Variants in GRB10 observed in about 807,000 individuals in gnomAD.
The protein encoded by GRB10 is growth factor receptor bound protein 10.
GRB10 carries 20 observed loss-of-function variants against 80.9 expected under a neutral mutation model. The observed-to-expected ratio is 0.25, with a 90% CI of 0.17 to 0.36. The LOEUF (loss-of-function observed/expected upper bound fraction) is 0.36. Ranked by LOEUF, GRB10 falls within the 10% of genes least tolerant of loss-of-function variation. GRB10 has a pLI of 1.00. For synonymous variants in GRB10, 291 were observed against 291.5 expected, an observed-to-expected ratio of 1.00 and a Z score of 0.02; for missense variants, 548 against 747.7, an observed-to-expected ratio of 0.73 and a Z score of 3.12.
intron 2 of GRB10, among the ~76,000 whole-genome samples, chr7:50,764,742 T>C (rs2076149985): frequency 6.6e-6 from 1 of 152,170 alleles, no homozygotes; most frequent in Admixed American, 6.5e-5. Flanking sequence ...AATGATGCAA[T>C]TCCCACAGAG....
intron 2 of GRB10, chr7:50,761,636 G>C (rs1225728004): frequency 6.6e-6 from 1 of 152,222 alleles, no homozygotes; most frequent in African/African-American, 2.4e-5. Context: ...AGAAAACACA[G>C]TGAAGAAACA....
At chr7:50,732,990 G>A (rs1204466272) in intron 3 of GRB10, among the ~76,000 whole-genome samples, 1 of 152,194 alleles carries the variant, frequency 6.6e-6, no homozygotes, top group Non-Finnish European at 1.5e-5. Flanking sequence ...ACAAGACCCT[G>A]TTATGGGATG....
rs1228227221 is a variant in GRB10 at position 50,703,921 on chromosome 7, G to A, written c.52-13C>T. ...GCTCCACCTTGTCCTAAAAAAACAG[G>A]ACCGCAGCAGAAAGGCTGTGAGTTC... On this transcript the variant is annotated splice_polypyrimidine_tract_variant and intron_variant, in intron 4 of 18. Coordinates refer to ENST00000401949, the MANE Select transcript of GRB10 (RefSeq NM_001350814.2). The A allele has an allele frequency of 2.5e-6, 4 of 1,599,034 alleles. No individual in the cohort carries two copies. The highest frequency in any genetic ancestry group is 3.4e-6 in the Non-Finnish European group (4 of 1,167,196).
intron 7 of GRB10, among the ~76,000 whole-genome samples, chr7:50,639,401 C>A (rs979164164): frequency 6.6e-6 from 1 of 152,062 alleles, no homozygotes; most frequent in Non-Finnish European, 1.5e-5. Flanking sequence ...GTTTGCCAGG[C>A]GCAGTGGCTC....
rs551505857 is a variant in GRB10 at position 50,710,182 on chromosome 7, G to A, written c.52-6274C>T. Among the ~76,000 whole-genome samples, 3 of 152,150 alleles carry A rather than the reference G, an allele frequency of 2.0e-5. No individual in the cohort carries two copies. In the South Asian group the frequency reaches 6.2e-4, roughly 32 times the overall value. On this transcript the variant is annotated intron_variant, in intron 4 of 18. Transcript: ENST00000401949. ...AAGCAGGAAGTAACAAGGGTGAATG[G>A]ATTGGTGCCCACCCTCTCCCCAGAA...
intron 5 of GRB10, among the ~76,000 whole-genome samples, chr7:50,697,725 G>A (rs1032874158): frequency 6.6e-6 from 1 of 152,210 alleles, no homozygotes; most frequent in Non-Finnish European, 1.5e-5. Context: ...AAAGCATCTC[G>A]TTAAAAAGAA....
Position 50,592,916 on chromosome 7 carries a change from A to G in GRB10, c.*36T>C. 1 of 1,612,596 alleles carries G rather than the reference A, an allele frequency of 6.2e-7. No homozygotes were observed. The highest frequency in any genetic ancestry group is 8.5e-7 in the Non-Finnish European group (1 of 1,178,740). On this transcript the variant is annotated 3_prime_UTR_variant, in exon 19 of 19. Coordinates refer to ENST00000401949, the MANE Select transcript of GRB10 (RefSeq NM_001350814.2). ...AGACCGCTTCTTCACTCCAGTGTTCACTTCCTCCAGTCTTCAGCCGAGAGG... is the reference window on the plus strand; with the variant it reads ...AGACCGCTTCTTCACTCCAGTGTTCGCTTCCTCCAGTCTTCAGCCGAGAGG...
At chr7:50,701,981 A>G (rs2153666888) in intron 5 of GRB10, among the ~76,000 whole-genome samples, 1 of 152,228 alleles carries the variant, frequency 6.6e-6, no homozygotes, top group Admixed American at 6.5e-5. Flanking sequence ...ATTTCTTAGT[A>G]TGGGACTGCT....
At chr7:50,668,870 A>G (rs371587450) in intron 7 of GRB10, among the ~76,000 whole-genome samples, 4 of 152,368 alleles carry the variant, frequency 2.6e-5, no homozygotes, top group Admixed American at 6.5e-5. Context: ...TCTGTGCCTC[A>G]GTTTCCTCAT....
At chr7:50,757,006 A>C (rs562928219) in intron 2 of GRB10, among the ~76,000 whole-genome samples, 2 of 152,306 alleles carry the variant, frequency 1.3e-5, no homozygotes, top group South Asian at 4.1e-4. Context: ...AAGAGTCAGA[A>C]GCTAAATTTT....
intron 13 of GRB10, among the ~76,000 whole-genome samples, chr7:50,609,718 A>G (rs1003120519): frequency 6.6e-6 from 1 of 152,224 alleles, no homozygotes; most frequent in Non-Finnish European, 1.5e-5. Flanking sequence ...TAGAAGACAG[A>G]GGGAGGAGGA....
At position 50,605,344 on chromosome 7, in the gene GRB10, T is replaced by C; in HGVS notation, c.1335A>G (p.Ile445Met). 6.2e-7 allele frequency: 1 copy of C among 1,614,176 alleles called. No individual in the cohort carries two copies. The highest frequency in any genetic ancestry group is 8.5e-7 in the Non-Finnish European group (1 of 1,180,018). The change falls in exon 15 of 19, where the codon ATA becomes ATG. Residue 445 changes from isoleucine (I) to methionine (M), a missense_variant. Coordinates refer to ENST00000401949, the MANE Select transcript of GRB10 (RefSeq NM_001350814.2). Reference sequence around the variant, plus strand: ...CGCTCTGGGCCTCTGCCGGATTCTCTATCACGCGTCCTGTTTGCCCAGAAA... The same window carrying C: ...CGCTCTGGGCCTCTGCCGGATTCTCCATCACGCGTCCTGTTTGCCCAGAAA... Reference protein sequence around the residue: ...MDFSGQTGRVIENPAEAQSAA... With the variant: ...MDFSGQTGRVMENPAEAQSAA...
chr7:50,610,806 G>T (rs2049366727), intron 13 of GRB10, among the ~76,000 whole-genome samples: 2 of 152,130 alleles, frequency 1.3e-5, no homozygotes, highest in African/African-American at 4.8e-5. Flanking sequence ...CAACAATAAA[G>T]TCAGTTCGTT....
chr7:50,601,669 AG>A (rs2047629272), intron 17 of GRB10, among the ~76,000 whole-genome samples: 2 of 152,050 alleles, frequency 1.3e-5, no homozygotes, highest in South Asian at 4.1e-4. Context: ...AGATCATCAG[AG>A]GAAAAAAAAA....
chr7:50,592,798 A>C lies in GRB10; in HGVS notation c.*154T>G, dbSNP rs1167506024. 1.1e-6 allele frequency: 1 copy of C among 894,196 alleles called. No individual in the cohort carries two copies. The highest frequency in any genetic ancestry group is 1.8e-6 in the Non-Finnish European group (1 of 559,706). The allele number at this position is 894,196 out of a possible 1,614,324, so 55.4% of individuals were successfully genotyped here. A position where few individuals can be genotyped will look rare whatever the true frequency, so the allele number is the denominator to read the frequency against. ...CAGCAAATCGTCGTTTAAGTCCAAC[A>C]AACTAGTCAATCTTGGTCGGCTGGC... On this transcript the variant is annotated 3_prime_UTR_variant, in exon 19 of 19. Transcript: ENST00000401949.
intron 4 of GRB10, among the ~76,000 whole-genome samples, chr7:50,724,642 G>C (rs75174845): frequency 2.6e-3 from 390 of 152,282 alleles, no homozygotes; most frequent in Non-Finnish European, 4.3e-3. Context: ...CCCTTGAAGA[G>C]GGCTAGGCAA....
chr7:50,674,454 A>T lies in GRB10; in HGVS notation c.344T>A (p.Val115Glu), dbSNP rs1459950997. 1 of 1,605,766 alleles carries T rather than the reference A, an allele frequency of 6.2e-7. No individual in the cohort carries two copies. The highest frequency in any genetic ancestry group is 2.2e-5 in the East Asian group (1 of 44,884). ...PRQRVQRSQPVHILAVRRLQE... is the reference protein window; with the variant it reads ...PRQRVQRSQPEHILAVRRLQE... ...GACCTACCTGACAGCGAGGATGTGCACAGGCTGGGAGCGCTGCACCCTCTG... is the reference window on the plus strand; with the variant it reads ...GACCTACCTGACAGCGAGGATGTGCTCAGGCTGGGAGCGCTGCACCCTCTG... The change falls in exon 6 of 19, where the codon GTG (valine) becomes GAG (glutamate). Residue 115 changes from valine to glutamate, a missense_variant. By Grantham distance (121) the Val-to-Glu change is moderately radical. Around this residue, in one of 4 missense-constraint regions of GRB10, gnomAD observed 245 missense variants for 229.3 expected, o/e 1.07. Transcript: ENST00000401949.
intron 7 of GRB10, among the ~76,000 whole-genome samples, chr7:50,649,013 G>A (rs961184687): frequency 7.9e-5 from 12 of 152,086 alleles, no homozygotes; most frequent in South Asian, 4.2e-4. Flanking sequence ...TGGGGAGCTG[G>A]GTTCTGATCC....
At chr7:50,601,199 T>G (rs73129091) in intron 17 of GRB10, among the ~76,000 whole-genome samples, 12,611 of 152,270 alleles carry the variant, frequency 0.083, 793 homozygotes, top group South Asian at 0.13. Flanking sequence ...ATTTGTACAA[T>G]GAAATGACAG....
Sources: gnomAD v4.1 joint callset for allele counts (sites outside exome capture counted in the v4.1 genomes callset) on GRCh38, gnomAD v4.1.1 for gene constraint, gnomAD v4.1.1 regional missense constraint, MANE v1.5 for transcripts, NCBI Gene and HGNC (gene_info 2026-07-23, HGNC 2026-07-21) for gene names.